Variants in DEPDC5 observed in about 807,000 individuals in gnomAD.
DEPDC5 encodes DEP domain containing 5, GATOR1 subcomplex subunit, also known as GATOR1 complex protein DEPDC5.
Under a neutral mutation model 217.3 loss-of-function variants are expected in DEPDC5, and 73 were observed. The ratio of observed to expected loss-of-function variants is 0.34; its 90% CI spans 0.28 to 0.41. The LOEUF is 0.41. Among genes scored for constraint, DEPDC5 ranks in the 10% least tolerant of loss-of-function variants. The probability of loss-of-function intolerance (pLI) is 1.00; values close to 1 mark genes in which losing one functional copy is unlikely to be tolerated. For synonymous variants in DEPDC5, 733 were observed against 756.7 expected (o/e 0.97, Z 0.51); for missense variants, 1,675 against 2,070.1 (o/e 0.81, Z 3.70).
chr22:31,901,614 A>G, intron 40 of DEPDC5, 128 bp from the exon 41 acceptor site: 1 of 739,360 alleles, frequency 1.4e-6, no homozygotes, highest in Non-Finnish European at 2.3e-6. Flanking sequence ...AGGGCGTAGT[A>G]TGGAGAAGCA....
At chr22:31,833,403 G>T (rs976899905) in intron 24 of DEPDC5, among the ~76,000 whole-genome samples, 1 of 152,196 alleles carries the variant, frequency 6.6e-6, no homozygotes, top group African/African-American at 2.4e-5. Flanking sequence ...ATTGTAGAAA[G>T]CCATGATTTG....
chr22:31,839,432 G>A (rs1242222969), intron 27 of DEPDC5, among the ~76,000 whole-genome samples: 1 of 150,798 alleles, frequency 6.6e-6, no homozygotes, highest in Non-Finnish European at 1.5e-5. Context: ...TTAAGTGCAG[G>A]TGCCTGGAAT....
intron 24 of DEPDC5, among the ~76,000 whole-genome samples, chr22:31,824,309 G>T (rs1323745517): frequency 2.0e-5 from 3 of 151,930 alleles, no homozygotes; most frequent in Non-Finnish European, 4.4e-5. Flanking sequence ...TTGCGCCACT[G>T]CATTCCAGCC....
intron 39 of DEPDC5, among the ~76,000 whole-genome samples, chr22:31,896,425 T>C (rs2093553878): frequency 1.3e-5 from 2 of 152,192 alleles, no homozygotes; most frequent in South Asian, 4.1e-4. Flanking sequence ...ATTTTTTACA[T>C]AATCATTTGT....
At chr22:31,773,938 G>A (rs892868519) in intron 7 of DEPDC5, among the ~76,000 whole-genome samples, 10 of 152,042 alleles carry the variant, frequency 6.6e-5, no homozygotes, top group African/African-American at 2.4e-4. Context: ...GAGCATGATG[G>A]CAGGCTCCTG....
At position 31,758,642 on chromosome 22, in the gene DEPDC5, C is replaced by T. The variant is rs771997222; in HGVS notation, c.146+9C>T. ...CCCAACGATGAATACAGGTGAGTGTCTCATAGGATCCATGGAACTGGGCAA... is the reference window on the plus strand; with the variant it reads ...CCCAACGATGAATACAGGTGAGTGTTTCATAGGATCCATGGAACTGGGCAA... On this transcript the variant is annotated intron_variant, in intron 3 of 42. Coordinates refer to ENST00000651528, the MANE Select transcript of DEPDC5 (RefSeq NM_001242896.3). 6 of 1,612,026 alleles carry T rather than the reference C, an allele frequency of 3.7e-6. No individual in the cohort carries two copies. The African/African-American group carries it at 6.7e-5, about 18-fold the overall frequency.
Position 31,905,784 on chromosome 22 carries a change from G to A in DEPDC5, c.4437-200G>A, listed in dbSNP as rs62238935. On this transcript the variant is annotated intron_variant, in intron 41 of 42. Transcript: ENST00000651528. ...TGCTGGGTGTGAGGAGGTCTGGTAA[G>A]CCATGGTGTTGGAAGAGGTAGAGGT... Among the ~76,000 whole-genome samples, 13,503 of 151,952 alleles carry A rather than the reference G, an allele frequency of 0.089. 757 individuals are homozygous for A. Among genetic ancestry groups the A allele is most frequent in the South Asian group, 0.2 (937 of 4,782 alleles).
chr22:31,841,394 G>A (rs2091384362), intron 27 of DEPDC5, among the ~76,000 whole-genome samples: 1 of 152,238 alleles, frequency 6.6e-6, no homozygotes, highest in Admixed American at 6.5e-5. Context: ...AGGTGTCCAG[G>A]TTCTTGGCAC....
In DEPDC5 at chr22:31,906,611, GT is replaced by G; in HGVS notation, c.*115del. ...GGTGTCCGTTTGCTGCTATCAGTGA[GT>G]GGGGGCCATTGTTTTTTGTTTGTTT... On this transcript the variant is annotated 3_prime_UTR_variant, in exon 43 of 43. Coordinates refer to ENST00000651528, the MANE Select transcript of DEPDC5 (RefSeq NM_001242896.3). This position sits in a 1 kb window ranked among gnomAD's most constrained non-coding sequence, Gnocchi z 5.1. 7.7e-7 allele frequency: 1 copy of G among 1,304,756 alleles called. No individual in the cohort carries two copies. Among genetic ancestry groups the G allele is most frequent in the Admixed American group, 2.2e-5 (1 of 46,242 alleles). 80.8% of individuals were successfully genotyped at this position (1,304,756 alleles called of 1,614,324 possible). A position where few individuals can be genotyped will look rare whatever the true frequency, so the allele number is the denominator to read the frequency against.
At chr22:31,775,305 G>A (rs1601729035) in intron 7 of DEPDC5, among the ~76,000 whole-genome samples, 3 of 151,818 alleles carry the variant, frequency 2.0e-5, no homozygotes, top group South Asian at 4.2e-4. Context: ...TCAGCCTCCC[G>A]AGTAGCTGGG....
chr22:31,847,067 G>C, intron 31 of DEPDC5, 100 bp downstream of exon 31: 2 of 1,536,536 alleles, frequency 1.3e-6, no homozygotes, highest in African/African-American at 1.4e-5. Context: ...CCTTTACAAG[G>C]AGCTTGTAAT....
At chr22:31,766,705 T>G (rs1416575271) in intron 6 of DEPDC5, 37 bp downstream of exon 6, 1 of 1,577,294 alleles carries the variant, frequency 6.3e-7, no homozygotes, top group Non-Finnish European at 8.7e-7. Context: ...TGTTACTTTT[T>G]CCATTATGTG....
intron 27 of DEPDC5, 63 bp from the exon 28 acceptor site, chr22:31,843,032 A>C: frequency 8.0e-7 from 1 of 1,246,280 alleles, no homozygotes; most frequent in South Asian, 1.3e-5. Flanking sequence ...ATGGATGAGA[A>C]ACAATTGTCT....
rs894997475 is a variant in DEPDC5, at chr22:31,823,553, A to T, written c.2104+763A>T. ...ATCTCAAAAAAAAAAAAAAAAAAAA[A>T]AGAGAAGTGAGCACGCACCAAAGAC... On this transcript the variant is annotated intron_variant, in intron 24 of 42. Transcript: ENST00000651528. Among the ~76,000 whole-genome samples, 3 of 150,828 alleles carry T rather than the reference A, an allele frequency of 2.0e-5. No individual in the cohort carries two copies. The South Asian group carries it at 6.3e-4, about 32-fold the overall frequency.
chr22:31,770,687 C>T (rs922230344), intron 7 of DEPDC5, among the ~76,000 whole-genome samples: 13 of 151,278 alleles, frequency 8.6e-5, no homozygotes, highest in East Asian at 1.9e-4. Context: ...CTACCTCACC[C>T]GGCATATTTG....
chr22:31,832,897 A>G (rs951480412), intron 24 of DEPDC5, among the ~76,000 whole-genome samples: 2 of 152,236 alleles, frequency 1.3e-5, no homozygotes, highest in African/African-American at 4.8e-5. Context: ...CAAGAAATTT[A>G]TAAATACTTG....
intron 39 of DEPDC5, chr22:31,894,884 GGCTCAC>G (rs2093517301): frequency 6.6e-6 from 1 of 151,270 alleles, no homozygotes; most frequent in African/African-American, 2.4e-5. Context: ...CGGGAGCAGT[GGCTCAC>G]GCCTGTAATC....
At chr22:31,757,736 A>G (rs578261841) in intron 2 of DEPDC5, among the ~76,000 whole-genome samples, 3 of 152,286 alleles carry the variant, frequency 2.0e-5, no homozygotes, top group Admixed American at 2.0e-4. Context: ...GCAGGGGTAG[A>G]TAAACATGAA....
At chr22:31,857,663 A>T in intron 32 of DEPDC5, 110 bp downstream of exon 32, 1 of 865,160 alleles carries the variant, frequency 1.2e-6, no homozygotes, top group Non-Finnish European at 1.8e-6. Context: ...GAGGCTTTGG[A>T]TGAATTCTAC....
Sources: allele counts gnomAD v4.1 joint callset (sites outside exome capture counted in the v4.1 genomes callset), GRCh38; gene constraint gnomAD v4.1.1; non-coding constraint Gnocchi (gnomAD v3.1); transcripts MANE v1.5; gene names NCBI Gene and HGNC (gene_info 2026-07-23, HGNC 2026-07-21).